The following UMODL1 variants were observed in gnomAD, a reference collection of about 807,000 sequenced individuals.
The protein encoded by UMODL1 is uromodulin-like 1.
In UMODL1, 128 loss-of-function variants were observed where a neutral mutation model predicts 136.3. The ratio of observed to expected loss-of-function variants is 0.94; its 90% CI spans 0.81 to 1.09. The LOEUF is 1.09. UMODL1 is among the 50% of genes least tolerant of loss of function. The pLI is 0.00. For synonymous variants in UMODL1, 721 were observed against 720.0 expected (o/e 1.00, Z -0.02); for missense variants, 1,766 against 1,725.6 (o/e 1.02, Z -0.41).
chr21:42,070,064 A>T (rs924230083), upstream of UMODL1, among the ~76,000 whole-genome samples: 5 of 152,170 alleles, frequency 3.3e-5, no homozygotes, highest in African/African-American at 1.2e-4. Context: ...TCTGACATTT[A>T]GTCATTAGCC....
chr21:42,073,513 A>C (rs2066255184), intron 1 of UMODL1, among the ~76,000 whole-genome samples: 1 of 152,090 alleles, frequency 6.6e-6, no homozygotes. Flanking sequence ...CCCCCAGAGG[A>C]AGTTGCAGCT....
intron 1 of UMODL1, among the ~76,000 whole-genome samples, chr21:42,065,560 C>T (rs1195082540): frequency 2.7e-5 from 4 of 147,090 alleles, no homozygotes; most frequent in African/African-American, 5.1e-5. Flanking sequence ...TTTTTTGAGG[C>T]GGAGTCTCGC....
chr21:42,108,821 G>C (rs1466254354), intron 9 of UMODL1, among the ~76,000 whole-genome samples: 1 of 74,640 alleles, frequency 1.3e-5, no homozygotes, highest in Admixed American at 1.4e-4. Context: ...AGACACCCGG[G>C]TGCTCTAGAA....
chr21:42,131,452 C>T (rs12627709), intron 21 of UMODL1, among the ~76,000 whole-genome samples: 1,297 of 20,190 alleles, frequency 0.064, 184 homozygotes, highest in East Asian at 0.2. Context: ...AGGGAGGTCT[C>T]AGCCATGAAG....
At chr21:42,140,095 G>T (rs1555936358) in intron 22 of UMODL1, among the ~76,000 whole-genome samples, 1 of 152,168 alleles carries the variant, frequency 6.6e-6, no homozygotes, top group Non-Finnish European at 1.5e-5. Flanking sequence ...ACTACACTTT[G>T]CTGAGTTGTT....
chr21:42,104,668 T>C (rs918749918), intron 9 of UMODL1, among the ~76,000 whole-genome samples: 4 of 152,214 alleles, frequency 2.6e-5, no homozygotes, highest in African/African-American at 9.6e-5. Flanking sequence ...CAGGCTGGTC[T>C]CGAACTCCTG....
chr21:42,073,279 G>A (rs770733841), intron 1 of UMODL1, among the ~76,000 whole-genome samples: 2 of 152,186 alleles, frequency 1.3e-5, no homozygotes, highest in Non-Finnish European at 2.9e-5. Flanking sequence ...AGGTGAGCGC[G>A]TTCCTTCCGG....
chr21:42,074,065 AAC>A (rs2066260687), intron 1 of UMODL1, among the ~76,000 whole-genome samples: 1 of 152,206 alleles, frequency 6.6e-6, no homozygotes, highest in African/African-American at 2.4e-5. Flanking sequence ...GTAACAAAGA[AAC>A]ACAGCCTGCG....
intron 2 of UMODL1, among the ~76,000 whole-genome samples, chr21:42,082,926 CT>C (rs869185463): frequency 1.6e-3 from 11 of 6,816 alleles, no homozygotes; most frequent in East Asian, 0.011. Flanking sequence ...CTATAAGCCC[CT>C]TTTTCTGGAA....
Position 42,122,660 on chromosome 21 carries a change from TGC to T in UMODL1, c.2828-169_2828-168del, listed in dbSNP as rs1223504159. Among the ~76,000 whole-genome samples, 59 of 130,578 alleles carry T rather than the reference TGC, an allele frequency of 4.5e-4. No homozygotes were observed. The highest frequency in any genetic ancestry group is 7.0e-4 in the South Asian group (3 of 4,286). The allele number at this position is 130,578 out of a possible 152,430, so 85.7% of individuals were successfully genotyped here. On this transcript the variant is annotated intron_variant, in intron 16 of 22. Coordinates refer to ENST00000408910, the MANE Select transcript of UMODL1 (RefSeq NM_001004416.3). The surrounding 1 kb of genome is among the most constrained non-coding windows in gnomAD (Gnocchi z 4.3). ...GTGTGTACGTGTGTGTGCATATGTGTGCGTGTGTGTGTGTGTGTGTGCACGTG... is the reference window on the plus strand; with the variant it reads ...GTGTGTACGTGTGTGTGCATATGTGTGTGTGTGTGTGTGTGTGTGCACGTG...
At chr21:42,088,774 GC>G (rs1357906118) in intron 5 of UMODL1, among the ~76,000 whole-genome samples, 1 of 148,562 alleles carries the variant, frequency 6.7e-6, no homozygotes, top group East Asian at 2.0e-4. Context: ...CTGGCCTCCT[GC>G]CCCCTCGGCA....
chr21:42,141,958 T>C (rs556700643), intron 22 of UMODL1, 138 bp from the exon 23 acceptor site: 1 of 152,398 alleles, frequency 6.6e-6, no homozygotes, highest in South Asian at 2.1e-4. Flanking sequence ...AGGGGCTTGA[T>C]CTGTCCCTCT....
intron 10 of UMODL1, 104 bp downstream of exon 10, chr21:42,109,803 G>A: frequency 1.6e-6 from 2 of 1,259,660 alleles, no homozygotes; most frequent in South Asian, 1.4e-5. Context: ...AGGACCTATG[G>A]TAATGTTAGG....
chr21:42,118,904 C>T (rs1367611960), intron 14 of UMODL1, among the ~76,000 whole-genome samples: 1 of 152,156 alleles, frequency 6.6e-6, no homozygotes, highest in Non-Finnish European at 1.5e-5. Context: ...AACAAGGGCT[C>T]TTCTCATATC....
chr21:42,092,170 G>A (rs1226233155), intron 6 of UMODL1, among the ~76,000 whole-genome samples: 5 of 152,200 alleles, frequency 3.3e-5, no homozygotes, highest in African/African-American at 7.2e-5. Flanking sequence ...CCAGCAGCCC[G>A]GGTTAGGAAG....
At chr21:42,129,859 C>T (rs1431419643) in intron 21 of UMODL1, 62 bp downstream of exon 21, 12 of 1,279,174 alleles carry the variant, frequency 9.4e-6, no homozygotes, top group African/African-American at 1.5e-5. Flanking sequence ...TTTTCACCAG[C>T]ATGTAAATAA....
chr21:42,103,651 CA>C, intron 8 of UMODL1: 1 of 683,516 alleles, frequency 1.5e-6, no homozygotes, highest in Non-Finnish European at 2.7e-6. Context: ...GAGTCCCCAG[CA>C]CACACCAGGC....
At chr21:42,139,117 G>A (rs927521581) in intron 22 of UMODL1, among the ~76,000 whole-genome samples, 2 of 152,106 alleles carry the variant, frequency 1.3e-5, no homozygotes, top group African/African-American at 2.4e-5. Context: ...GCAGTGAGCC[G>A]AGACTGCCCC....
At chr21:42,138,495 G>A (rs1470562074) in intron 22 of UMODL1, among the ~76,000 whole-genome samples, 2 of 152,126 alleles carry the variant, frequency 1.3e-5, no homozygotes, top group Non-Finnish European at 2.9e-5. Context: ...ACAAATGAAT[G>A]ACAAGCATTA....
Sources: gnomAD v4.1 joint callset for allele counts (sites outside exome capture counted in the v4.1 genomes callset) on GRCh38, gnomAD v4.1.1 for gene constraint, Gnocchi (gnomAD v3.1) non-coding constraint, MANE v1.5 for transcripts, NCBI Gene and HGNC (gene_info 2026-07-23, HGNC 2026-07-21) for gene names.